LHFPL3: variants seen among roughly 807,000 people sequenced by gnomAD.
LHFPL3 encodes the protein LHFPL tetraspan subfamily member 3 protein.
Under a neutral mutation model 19.3 loss-of-function variants are expected in LHFPL3, and 5 were observed. The ratio of observed to expected loss-of-function variants is 0.26; its 90% confidence interval spans 0.14 to 0.54. The LOEUF (loss-of-function observed/expected upper bound fraction) is 0.54, where lower values mean the gene tolerates loss of function less well. Among genes scored for constraint, LHFPL3 ranks in the 20% least tolerant of loss-of-function variants. The pLI is 0.94. For missense variants in LHFPL3, 249 were observed against 307.4 expected, an observed-to-expected ratio of 0.81 and a Z score of 1.42; for synonymous variants, 133 against 126.2, an observed-to-expected ratio of 1.05 and a Z score of -0.36.
At chr7:104,433,076 C>G (rs1043316818) in intron 1 of LHFPL3, among the ~76,000 whole-genome samples, 3 of 152,224 alleles carry the variant, frequency 2.0e-5, no homozygotes, top group Middle Eastern at 3.4e-3. Context: ...TATATATAGA[C>G]ATGTATTTTT....
At chr7:104,649,167 T>C (rs546799842) in intron 1 of LHFPL3, among the ~76,000 whole-genome samples, 1 of 152,276 alleles carries the variant, frequency 6.6e-6, no homozygotes, top group African/African-American at 2.4e-5. Flanking sequence ...ATTGCATTAA[T>C]TGGAAGAGCA....
intron 1 of LHFPL3, among the ~76,000 whole-genome samples, chr7:104,340,365 A>G (rs2116364807): frequency 6.6e-6 from 1 of 152,322 alleles, no homozygotes; most frequent in East Asian, 1.9e-4. Context: ...AGGCATCTAA[A>G]GTTAAGTTTT....
intron 1 of LHFPL3, among the ~76,000 whole-genome samples, chr7:104,724,140 T>C (rs1307152445): frequency 6.6e-6 from 1 of 152,208 alleles, no homozygotes; most frequent in African/African-American, 2.4e-5. Flanking sequence ...CCAGTGGCTA[T>C]ACAAATCGTG....
intron 2 of LHFPL3, among the ~76,000 whole-genome samples, chr7:104,776,781 G>A (rs576766421): frequency 1.3e-5 from 2 of 152,318 alleles, no homozygotes; most frequent in East Asian, 3.9e-4. Flanking sequence ...AGGATGTGAG[G>A]ATTCAGATTG....
At chr7:104,576,057 C>T (rs1257173966) in intron 1 of LHFPL3, among the ~76,000 whole-genome samples, 2 of 151,864 alleles carry the variant, frequency 1.3e-5, no homozygotes, top group African/African-American at 4.8e-5. Context: ...TTTGACATTC[C>T]TAAGTCAATG....
At position 104,364,520 on chromosome 7, in the gene LHFPL3, C is replaced by G. The variant is rs1292955564; in HGVS notation, c.445+35296C>G. 3.9e-5 allele frequency among the ~76,000 whole-genome samples: 6 copies of G among 152,178 alleles called. No homozygotes were observed. In the South Asian group the frequency reaches 8.3e-4, roughly 21 times the overall value. ...GCCCTGTACATAAGTCCAAAGAACC[C>G]AGATCTTCTACCAAAATTGTACTCT... On this transcript the variant is annotated intron_variant, in intron 1 of 2. Transcript: ENST00000424859.
At chr7:104,655,372 T>C in intron 1 of LHFPL3, among the ~76,000 whole-genome samples, 1 of 152,200 alleles carries the variant, frequency 6.6e-6, no homozygotes, top group African/African-American at 2.4e-5. Flanking sequence ...GTTTACATTA[T>C]GAATAGGTGC....
chr7:104,340,214 C>T (rs1340002561), intron 1 of LHFPL3, among the ~76,000 whole-genome samples: 3 of 151,864 alleles, frequency 2.0e-5, no homozygotes, highest in Non-Finnish European at 4.4e-5. Context: ...AAAGAGATTG[C>T]AAGTTATAGA....
At chr7:104,755,162 C>T (rs888238934) in intron 2 of LHFPL3, among the ~76,000 whole-genome samples, 18 of 152,132 alleles carry the variant, frequency 1.2e-4, no homozygotes, top group Non-Finnish European at 8.8e-5. Context: ...TCATTTTCTT[C>T]CTGGAACTAG....
At chr7:104,477,313 C>G (rs955251189) in intron 1 of LHFPL3, among the ~76,000 whole-genome samples, 1 of 152,036 alleles carries the variant, frequency 6.6e-6, no homozygotes, top group African/African-American at 2.4e-5. Context: ...TCTTGATAGG[C>G]ATTTTCTCTC....
intron 1 of LHFPL3, among the ~76,000 whole-genome samples, chr7:104,650,821 C>G (rs79406071): frequency 0.033 from 5,030 of 152,144 alleles, 276 homozygotes; most frequent in African/African-American, 0.12. Context: ...GCCATTAAAG[C>G]AAAATGGACA....
intron 1 of LHFPL3, among the ~76,000 whole-genome samples, chr7:104,544,990 A>G (rs1794554210): frequency 6.6e-6 from 1 of 152,174 alleles, no homozygotes; most frequent in Non-Finnish European, 1.5e-5. Flanking sequence ...TTTTTTCGTA[A>G]GGATTTATGC....
chr7:104,662,559 T>C (rs948244503), intron 1 of LHFPL3, among the ~76,000 whole-genome samples: 1 of 152,172 alleles, frequency 6.6e-6, no homozygotes, highest in African/African-American at 2.4e-5. Context: ...TCTATAACTG[T>C]GTCTCATGAG....
At chr7:104,898,920 C>G (rs779204428) in intron 2 of LHFPL3, among the ~76,000 whole-genome samples, 1 of 151,844 alleles carries the variant, frequency 6.6e-6, no homozygotes, top group Non-Finnish European at 1.5e-5. Flanking sequence ...AGTTCGAGAC[C>G]AGCCTTGACA....
chr7:104,381,182 A>G (rs930278947), intron 1 of LHFPL3, among the ~76,000 whole-genome samples: 3 of 152,192 alleles, frequency 2.0e-5, no homozygotes, highest in East Asian at 1.9e-4. Context: ...AATGTATTCA[A>G]TGAGGACTGT....
chr7:104,870,644 T>G (rs1791815565), intron 2 of LHFPL3, among the ~76,000 whole-genome samples: 1 of 152,200 alleles, frequency 6.6e-6, no homozygotes, highest in Non-Finnish European at 1.5e-5. Context: ...CAGGGTGGTC[T>G]GTGACAACGG....
intron 1 of LHFPL3, among the ~76,000 whole-genome samples, chr7:104,514,351 T>C (rs913179412): frequency 6.6e-6 from 1 of 152,202 alleles, no homozygotes; most frequent in Non-Finnish European, 1.5e-5. Context: ...TTACCACAGT[T>C]ATAATTTTAT....
At chr7:104,548,377 T>C (rs942605732) in intron 1 of LHFPL3, among the ~76,000 whole-genome samples, 3 of 152,170 alleles carry the variant, frequency 2.0e-5, no homozygotes, top group African/African-American at 7.2e-5. Context: ...AATTGATTTT[T>C]AAAATTGGGG....
chr7:104,594,826 A>C (rs1367427157), intron 1 of LHFPL3, among the ~76,000 whole-genome samples: 6 of 152,226 alleles, frequency 3.9e-5, no homozygotes, highest in South Asian at 4.1e-4. Flanking sequence ...CACTTGATCA[A>C]ATCAGCTATT....
Sources: allele counts gnomAD v4.1 joint callset (sites outside exome capture counted in the v4.1 genomes callset), GRCh38; gene constraint gnomAD v4.1.1; transcripts MANE v1.5; gene names NCBI Gene and HGNC (gene_info 2026-07-23, HGNC 2026-07-21).